The following AMBRA1 variants were observed in gnomAD, a reference collection of about 807,000 sequenced individuals.
AMBRA1 encodes the protein autophagy and beclin 1 regulator 1.
A neutral mutation model predicts 125.4 loss-of-function variants in AMBRA1; 47 were observed. The ratio of observed to expected loss-of-function variants is 0.37; its 90% CI spans 0.30 to 0.48. The LOEUF is 0.48. AMBRA1 is among the 20% of genes least tolerant of loss of function. The pLI is 0.99. For synonymous variants in AMBRA1, 626 were observed against 655.5 expected, an observed-to-expected ratio of 0.95 and a Z score of 0.69; for missense variants, 1,331 against 1,693.4, an observed-to-expected ratio of 0.79 and a Z score of 3.76.
intron 11 of AMBRA1, among the ~76,000 whole-genome samples, chr11:46,488,207 G>C (rs1950327910): frequency 6.6e-6 from 1 of 152,180 alleles, no homozygotes; most frequent in Admixed American, 6.5e-5. Context: ...TGTAACTCCA[G>C]CACTTTGGGA....
rs1456029575 is a variant in AMBRA1, at chr11:46,480,758, T to C, written c.2521+12850A>G. ...GGAAGCTACATACATGAAAAAAATA[T>C]ATACATACTGCAAGTCCCAGGGAAT... On this transcript the variant is annotated intron_variant, in intron 11 of 17. Coordinates refer to ENST00000683756, the MANE Select transcript of AMBRA1 (RefSeq NM_001387011.1). Among the ~76,000 whole-genome samples, 3 of 152,188 alleles carry C rather than the reference T, an allele frequency of 2.0e-5. No individual in the cohort carries two copies. In the East Asian group the frequency reaches 5.8e-4, roughly 29 times the overall value.
At chr11:46,549,681 A>C (rs2042929395) in intron 1 of AMBRA1, among the ~76,000 whole-genome samples, 1 of 152,144 alleles carries the variant, frequency 6.6e-6, no homozygotes. Context: ...TGGTTGACTT[A>C]AAAAAAATCC....
At chr11:46,587,562 C>G (rs968365880) in intron 1 of AMBRA1, among the ~76,000 whole-genome samples, 1 of 152,062 alleles carries the variant, frequency 6.6e-6, no homozygotes, top group African/African-American at 2.4e-5. Context: ...CTTAAATTTA[C>G]GCAATTATGA....
chr11:46,584,750 A>C (rs2044306716), intron 1 of AMBRA1, among the ~76,000 whole-genome samples: 1 of 152,168 alleles, frequency 6.6e-6, no homozygotes, highest in Admixed American at 6.6e-5. Flanking sequence ...CTGGAAATAC[A>C]GGCATGCACC....
chr11:46,573,805 A>C, intron 1 of AMBRA1, among the ~76,000 whole-genome samples: 1 of 140,658 alleles, frequency 7.1e-6, no homozygotes, highest in East Asian at 2.2e-4. Flanking sequence ...TCCCAATGCT[A>C]TCCCTCCCCC....
intron 1 of AMBRA1, 123 bp from the exon 2 acceptor site, chr11:46,548,623 A>C: frequency 2.1e-6 from 1 of 483,832 alleles, no homozygotes. Context: ...TTCTCAGAAA[A>C]GACCCTTCCT....
intron 1 of AMBRA1, among the ~76,000 whole-genome samples, chr11:46,551,928 T>C (rs2043012262): frequency 6.6e-6 from 1 of 151,806 alleles, no homozygotes; most frequent in Non-Finnish European, 1.5e-5. Flanking sequence ...CTTGGGAGGC[T>C]GAGGCTGGAG....
At chr11:46,437,886 G>C (rs1947805058) in intron 12 of AMBRA1, among the ~76,000 whole-genome samples, 1 of 152,194 alleles carries the variant, frequency 6.6e-6, no homozygotes, top group Non-Finnish European at 1.5e-5. Flanking sequence ...AGAAGTCTTT[G>C]TGGTGCTCCA....
At chr11:46,443,869 G>A (rs1387506514) in intron 11 of AMBRA1, among the ~76,000 whole-genome samples, 2 of 152,170 alleles carry the variant, frequency 1.3e-5, no homozygotes, top group African/African-American at 4.8e-5. Flanking sequence ...CAACGTGGCA[G>A]GTACTGTACA....
chr11:46,463,354 AAC>A (rs1221366899), intron 11 of AMBRA1, among the ~76,000 whole-genome samples: 1 of 152,220 alleles, frequency 6.6e-6, no homozygotes. Context: ...TGATAGCAAG[AAC>A]ACACACAGTT....
intron 1 of AMBRA1, among the ~76,000 whole-genome samples, chr11:46,566,310 G>A (rs1221502348): frequency 6.6e-6 from 1 of 151,866 alleles, no homozygotes; most frequent in African/African-American, 2.4e-5. Flanking sequence ...CCCAGCTACC[G>A]GGGCGGCTGA....
intron 1 of AMBRA1, among the ~76,000 whole-genome samples, chr11:46,562,836 T>C (rs2043382409): frequency 6.8e-6 from 1 of 146,718 alleles, no homozygotes; most frequent in African/African-American, 2.4e-5. Flanking sequence ...GTTTCACTCT[T>C]GTTGCCCACG....
intron 14 of AMBRA1, among the ~76,000 whole-genome samples, chr11:46,425,268 C>T (rs922731447): frequency 2.6e-5 from 4 of 151,520 alleles, no homozygotes; most frequent in East Asian, 1.9e-4. Flanking sequence ...TAGAGATTCA[C>T]CTTGGATAAG....
Position 46,397,339 on chromosome 11 carries a change from C to A in AMBRA1, c.*111G>T. 1 of 1,370,306 alleles carries A rather than the reference C, an allele frequency of 7.3e-7. No individual in the cohort carries two copies. Among genetic ancestry groups the A allele is most frequent in the Non-Finnish European group, 9.5e-7 (1 of 1,054,068 alleles). 84.9% of individuals were successfully genotyped at this position (1,370,306 alleles called of 1,614,324 possible). ...TCTCCACCCTGACCCTCTTCCTCCTCCTGTTCCCTGATGCAGCCAGCAGCT... is the reference window on the plus strand; with the variant it reads ...TCTCCACCCTGACCCTCTTCCTCCTACTGTTCCCTGATGCAGCCAGCAGCT... On this transcript the variant is annotated 3_prime_UTR_variant, in exon 18 of 18. Transcript: ENST00000683756.
intron 11 of AMBRA1, among the ~76,000 whole-genome samples, chr11:46,482,648 T>C (rs1243467830): frequency 6.6e-6 from 1 of 152,194 alleles, no homozygotes; most frequent in East Asian, 1.9e-4. Flanking sequence ...CTTTGTACCC[T>C]GGACCAGTTA....
Position 46,548,471 on chromosome 11 carries a change from C to G in AMBRA1, c.-91G>C. On this transcript the variant is annotated 5_prime_UTR_variant, in exon 2 of 18. Transcript: ENST00000683756. ...CTGAAGCAGCTAAAATGAGGCCATACAGGTCCTTGTAAGTTGTCCTCATGG... is the reference window on the plus strand; with the variant it reads ...CTGAAGCAGCTAAAATGAGGCCATAGAGGTCCTTGTAAGTTGTCCTCATGG... 1 of 1,517,694 alleles carries G rather than the reference C, an allele frequency of 6.6e-7. No individual in the cohort carries two copies. The highest frequency in any genetic ancestry group is 8.9e-7 in the Non-Finnish European group (1 of 1,121,234). The allele number at this position is 1,517,694 out of a possible 1,614,324, so 94.0% of individuals were successfully genotyped here.
chr11:46,554,316 A>T (rs1277362624), intron 1 of AMBRA1, among the ~76,000 whole-genome samples: 1 of 152,210 alleles, frequency 6.6e-6, no homozygotes, highest in Admixed American at 6.5e-5. Context: ...CCTGTTACTC[A>T]AGAGGAACAA....
At chr11:46,579,689 C>T (rs999014704) in intron 1 of AMBRA1, among the ~76,000 whole-genome samples, 5 of 152,080 alleles carry the variant, frequency 3.3e-5, no homozygotes, top group African/African-American at 9.7e-5. Context: ...TTAGAGTATA[C>T]TTCTTATGAG....
At chr11:46,473,107 C>T (rs1411749372) in intron 11 of AMBRA1, among the ~76,000 whole-genome samples, 1 of 152,208 alleles carries the variant, frequency 6.6e-6, no homozygotes, top group Non-Finnish European at 1.5e-5. Flanking sequence ...AAAGCCTCCT[C>T]AATTAAGAGG....
Sources: gnomAD v4.1 joint callset for allele counts (sites outside exome capture counted in the v4.1 genomes callset) on GRCh38, gnomAD v4.1.1 for gene constraint, MANE v1.5 for transcripts, NCBI Gene and HGNC (gene_info 2026-07-23, HGNC 2026-07-21) for gene names.